The following PYGL variants were observed in gnomAD, a reference collection of about 807,000 sequenced individuals.
PYGL encodes the protein glycogen phosphorylase, liver form.
PYGL carries 90 observed loss-of-function variants against 100.1 expected under a neutral mutation model. The ratio of observed to expected loss-of-function variants is 0.90; its 90% confidence interval spans 0.76 to 1.07. The LOEUF (loss-of-function observed/expected upper bound fraction) is 1.07. Among genes scored for constraint, PYGL ranks in the 50% least tolerant of loss-of-function variants. The pLI, the probability that PYGL is intolerant of heterozygous loss-of-function variation, is 0.00. For synonymous variants in PYGL, 373 were observed against 393.0 expected (o/e 0.95, Z 0.60); for missense variants, 1,016 against 1,057.6 (o/e 0.96, Z 0.55).
At chr14:50,909,046 A>C in intron 17 of PYGL, 91 bp from the exon 18 acceptor site, 2 of 1,395,342 alleles carry the variant, frequency 1.4e-6, no homozygotes, top group Non-Finnish European at 2.0e-6. Flanking sequence ...TCACTGTGAA[A>C]AAATACATTC....
intron 4 of PYGL, among the ~76,000 whole-genome samples, chr14:50,930,220 T>C (rs989056484): frequency 2.0e-5 from 3 of 152,246 alleles, no homozygotes; most frequent in Non-Finnish European, 2.9e-5. Flanking sequence ...CATTTTATTG[T>C]GTGCTTACTA....
At chr14:50,924,577 T>C (rs1415795353) in intron 4 of PYGL, among the ~76,000 whole-genome samples, 2 of 152,192 alleles carry the variant, frequency 1.3e-5, no homozygotes, top group Non-Finnish European at 2.9e-5. Context: ...ATATACAGAA[T>C]CAGTTAGAAA....
At chr14:50,928,768 C>G (rs1164677011) in intron 4 of PYGL, among the ~76,000 whole-genome samples, 1 of 149,390 alleles carries the variant, frequency 6.7e-6, no homozygotes, top group Non-Finnish European at 1.5e-5. Flanking sequence ...TTCTCCAAAT[C>G]TGCCTTTGTA....
intron 11 of PYGL, 53 bp from the exon 12 acceptor site, chr14:50,914,868 T>C (rs1183756160): frequency 7.5e-7 from 1 of 1,336,814 alleles, no homozygotes; most frequent in African/African-American, 1.4e-5. Context: ...CAAAGGGTCC[T>C]GCACACTGGA....
chr14:50,927,673 T>C (rs1424321308), intron 4 of PYGL, among the ~76,000 whole-genome samples: 2 of 152,224 alleles, frequency 1.3e-5, no homozygotes, highest in Non-Finnish European at 2.9e-5. Flanking sequence ...CTGTTCTTTA[T>C]TGTGAATCTC....
rs538690424 is a variant in PYGL at position 50,942,307 on chromosome 14, C to T, written c.243+1854G>A. On this transcript the variant is annotated intron_variant, in intron 1 of 19. Coordinates refer to ENST00000216392, the MANE Select transcript of PYGL (RefSeq NM_002863.5). ...AAGGAGAGCCCAGTGAAGAAACTGG[C>T]CGGAGAACCAGGAAAACCATAAAGC... Among the ~76,000 whole-genome samples the T allele has an allele frequency of 5.0e-5, 7 of 139,546 alleles. 1 individual carries two copies. Among genetic ancestry groups the T allele is most frequent in the East Asian group, 5.2e-4 (2 of 3,856 alleles). 91.5% of individuals were successfully genotyped at this position (139,546 alleles called of 152,430 possible).
intron 1 of PYGL, among the ~76,000 whole-genome samples, chr14:50,941,827 G>A (rs781004367): frequency 6.6e-6 from 1 of 152,150 alleles, no homozygotes; most frequent in Non-Finnish European, 1.5e-5. Flanking sequence ...GCAGTGAGCC[G>A]AGATTGCATC....
intron 7 of PYGL, among the ~76,000 whole-genome samples, chr14:50,919,666 G>GGTGTGTGTGT (rs35650221): frequency 6.7e-5 from 10 of 148,658 alleles, no homozygotes; most frequent in African/African-American, 2.2e-4. Flanking sequence ...AGTTCCAAGT[G>GGTGTGTGTGT]GTGTGTGTGT....
intron 1 of PYGL, among the ~76,000 whole-genome samples, chr14:50,938,983 C>T (rs2050680219): frequency 1.3e-5 from 2 of 152,078 alleles, no homozygotes; most frequent in African/African-American, 4.8e-5. Flanking sequence ...GAAAATATTC[C>T]TCCTTGGCTG....
intron 5 of PYGL, 143 bp downstream of exon 5, chr14:50,923,826 G>A: frequency 9.1e-7 from 1 of 1,094,808 alleles, no homozygotes. Context: ...AGAAGTAACA[G>A]ATTTATTTAC....
In PYGL at chr14:50,908,271, C is replaced by A; in HGVS notation, c.2379G>T (p.Met793Ile). ...TTATAAATCTTGGCAATTTACTCACCATGTACAGCTGACTCACTTTATCTT... is the reference window on the plus strand; with the variant it reads ...TTATAAATCTTGGCAATTTACTCACAATGTACAGCTGACTCACTTTATCTT... ...KCQDKVSQLY[M>I]NPKAWNTMVL... is the part of the protein sequence containing the mutation. The change falls in exon 19 of 20, where the codon ATG (methionine) becomes ATT (isoleucine). Residue 793 changes from methionine (M) to isoleucine (I), a missense_variant and splice_region_variant. Coordinates refer to ENST00000216392, the MANE Select transcript of PYGL (RefSeq NM_002863.5). 3.8e-6 allele frequency: 6 copies of A among 1,582,220 alleles called. No homozygotes were observed. Among genetic ancestry groups the A allele is most frequent in the Non-Finnish European group, 5.2e-6 (6 of 1,151,228 alleles).
intron 12 of PYGL, among the ~76,000 whole-genome samples, chr14:50,913,793 A>C (rs1262257737): frequency 6.6e-6 from 1 of 152,028 alleles, no homozygotes; most frequent in Non-Finnish European, 1.5e-5. Flanking sequence ...GGGCTCAAGC[A>C]ATCCTCTTGC....
At chr14:50,929,548 T>G (rs2050584934) in intron 4 of PYGL, among the ~76,000 whole-genome samples, 2 of 151,952 alleles carry the variant, frequency 1.3e-5, no homozygotes, top group Non-Finnish European at 2.9e-5. Context: ...AAAATATACC[T>G]GAGACAAAAA....
intron 1 of PYGL, 120 bp from the exon 2 acceptor site, chr14:50,937,957 C>T: frequency 5.5e-6 from 5 of 907,644 alleles, no homozygotes; most frequent in South Asian, 4.1e-5. Context: ...TATGTCACCA[C>T]AGGTTCGAAT....
chr14:50,925,093 G>A (rs1260631542), intron 4 of PYGL, among the ~76,000 whole-genome samples: 1 of 152,186 alleles, frequency 6.6e-6, no homozygotes, highest in Non-Finnish European at 1.5e-5. Context: ...CCCAGATGGT[G>A]CTGCCTACTA....
chr14:50,916,064 A>G lies in PYGL; in HGVS notation c.1093-93T>C. On this transcript the variant is annotated intron_variant, in intron 9 of 19. Coordinates refer to ENST00000216392, the MANE Select transcript of PYGL (RefSeq NM_002863.5). ...TCTTCAACCCTGCCCTGTCTGCAACAGGACCATTCCAAGTGTGCATAGTCA... is the reference window on the plus strand; with the variant it reads ...TCTTCAACCCTGCCCTGTCTGCAACGGGACCATTCCAAGTGTGCATAGTCA... 4 of 1,536,782 alleles carry G rather than the reference A, an allele frequency of 2.6e-6. No individual in the cohort carries two copies. In the South Asian group the frequency reaches 4.5e-5, roughly 17 times the overall value.
At chr14:50,914,663 G>A (rs368951862) in intron 12 of PYGL, 38 bp downstream of exon 12, 29 of 1,514,718 alleles carry the variant, frequency 1.9e-5, no homozygotes, top group Admixed American at 5.0e-5. Flanking sequence ...TCTTGCATTC[G>A]AGTCAGGCCT....
At chr14:50,938,000 G>A (rs1284163542) in intron 1 of PYGL, among the ~76,000 whole-genome samples, 163 bp from the exon 2 acceptor site, 1 of 152,142 alleles carries the variant, frequency 6.6e-6, no homozygotes, top group Non-Finnish European at 1.5e-5. Context: ...GAACCAAAGT[G>A]ACTCCATCTT....
intron 3 of PYGL, among the ~76,000 whole-genome samples, chr14:50,932,235 C>A (rs1365059851): frequency 2.0e-5 from 3 of 152,168 alleles, no homozygotes; most frequent in African/African-American, 4.8e-5. Context: ...AACTGACTGA[C>A]AAGATATTCT....
Sources: gnomAD v4.1 joint callset for allele counts (sites outside exome capture counted in the v4.1 genomes callset) on GRCh38, gnomAD v4.1.1 for gene constraint, MANE v1.5 for transcripts, NCBI Gene and HGNC (gene_info 2026-07-23, HGNC 2026-07-21) for gene names.